The following ULK4 variants were observed in gnomAD, a reference collection of about 807,000 sequenced individuals.
ULK4 encodes inactive serine/threonine-protein kinase ULK4.
ULK4 carries 133 observed loss-of-function variants against 160.6 expected under a neutral mutation model. The observed-to-expected ratio is 0.83, with a 90% CI of 0.72 to 0.96. ULK4 has a LOEUF of 0.96. Among genes scored for constraint, ULK4 ranks in the 40% least tolerant of loss-of-function variants. ULK4 has a pLI of 0.00. For missense variants in ULK4, 1,580 were observed against 1,499.5 expected (o/e 1.05, Z -0.89); for synonymous variants, 534 against 539.8 (o/e 0.99, Z 0.15).
At position 41,912,912 on chromosome 3, in the gene ULK4, T is replaced by G. The variant is rs775741900; in HGVS notation, c.804-13A>C. ...TGTCCAAGTCAATCTTTAAAAAACA[T>G]AAATGTTAAAACTCTACTTTAACAT... On this transcript the variant is annotated splice_polypyrimidine_tract_variant and intron_variant, in intron 8 of 36. Transcript: ENST00000301831. 15 of 1,612,862 alleles carry G rather than the reference T, an allele frequency of 9.3e-6. No individual in the cohort carries two copies. The highest frequency in any genetic ancestry group is 3.3e-5 in the Admixed American group (2 of 59,932).
chr3:41,304,139 G>A (rs1007438620), intron 35 of ULK4, among the ~76,000 whole-genome samples: 2 of 152,030 alleles, frequency 1.3e-5, no homozygotes, highest in South Asian at 4.1e-4. Context: ...CAGACGTGGT[G>A]GTGGGCACCT....
intron 25 of ULK4, among the ~76,000 whole-genome samples, chr3:41,712,131 A>C (rs2037117375): frequency 6.6e-6 from 1 of 152,250 alleles, no homozygotes; most frequent in African/African-American, 2.4e-5. Context: ...AAAATTTACA[A>C]AAAATTAATT....
At chr3:41,537,119 T>C (rs1575377417) in intron 32 of ULK4, among the ~76,000 whole-genome samples, 1 of 152,182 alleles carries the variant, frequency 6.6e-6, no homozygotes, top group Non-Finnish European at 1.5e-5. Flanking sequence ...CTTCTTTAAA[T>C]TCCTCTGGTG....
Position 41,646,021 on chromosome 3 carries a change from CTTT to C in ULK4, c.3071+17583_3071+17585del, listed in dbSNP as rs561273288. On this transcript the variant is annotated intron_variant, in intron 30 of 36. Coordinates refer to ENST00000301831, the MANE Select transcript of ULK4 (RefSeq NM_017886.4). ...CAGAGACTAGGATTGCAACCCCTGC[CTTT>C]TTTTGTTTTCCATTTGCCTGGTAGA... Among the ~76,000 whole-genome samples the C allele has an allele frequency of 5.1e-3, 779 of 152,104 alleles. 3 individuals are homozygous for C. Among genetic ancestry groups the C allele is most frequent in the African/African-American group, 0.018 (749 of 41,490 alleles).
At chr3:41,782,838 A>T (rs1481764703) in intron 21 of ULK4, among the ~76,000 whole-genome samples, 1 of 152,198 alleles carries the variant, frequency 6.6e-6, no homozygotes, top group Non-Finnish European at 1.5e-5. Flanking sequence ...AAATCAATGG[A>T]AATTATTAAA....
At chr3:41,898,155 C>A (rs1027358124) in intron 14 of ULK4, among the ~76,000 whole-genome samples, 24 of 152,088 alleles carry the variant, frequency 1.6e-4, no homozygotes, top group Admixed American at 3.3e-4. Flanking sequence ...GAGGAGAAGA[C>A]CTCCCACCCA....
At chr3:41,615,621 CAATTTCAAAATTTCATTTG>C (rs1265360711) in intron 31 of ULK4, 29 bp downstream of exon 31, 1 of 1,585,018 alleles carries the variant, frequency 6.3e-7, no homozygotes, top group Non-Finnish European at 8.6e-7. Flanking sequence ...AAAATCTTTA[CAATTTCAAAATTTCATTTG>C]AATTTCAAAT....
chr3:41,485,525 G>A (rs1164189097), intron 32 of ULK4, among the ~76,000 whole-genome samples: 1 of 152,186 alleles, frequency 6.6e-6, no homozygotes, highest in Non-Finnish European at 1.5e-5. Context: ...TTTTGCAGAA[G>A]TTATTTGAGC....
chr3:41,786,334 G>A (rs886665172), intron 21 of ULK4, among the ~76,000 whole-genome samples: 1 of 152,118 alleles, frequency 6.6e-6, no homozygotes, highest in African/African-American at 2.4e-5. Context: ...AGGAATGGTG[G>A]CTCACACCTG....
intron 17 of ULK4, among the ~76,000 whole-genome samples, chr3:41,853,791 T>TA (rs2042271265): frequency 6.6e-6 from 1 of 152,128 alleles, no homozygotes; most frequent in South Asian, 2.1e-4. Context: ...AGAGGCTGTG[T>TA]AGTGAGTGCC....
chr3:41,603,074 T>C (rs1319052331), intron 31 of ULK4, among the ~76,000 whole-genome samples: 1 of 152,042 alleles, frequency 6.6e-6, no homozygotes, highest in African/African-American at 2.4e-5. Flanking sequence ...CCCAACTACA[T>C]GTTGTATACA....
At chr3:41,655,196 C>T (rs2034886494) in intron 30 of ULK4, among the ~76,000 whole-genome samples, 1 of 151,558 alleles carries the variant, frequency 6.6e-6, no homozygotes, top group South Asian at 2.1e-4. Flanking sequence ...TGCTACGCAG[C>T]CATAACAAGG....
At chr3:41,933,310 T>G (rs1559659602) in intron 4 of ULK4, among the ~76,000 whole-genome samples, 1 of 152,172 alleles carries the variant, frequency 6.6e-6, no homozygotes, top group South Asian at 2.1e-4. Flanking sequence ...ATCAGCAAAC[T>G]TTTTTGTTGT....
intron 35 of ULK4, among the ~76,000 whole-genome samples, chr3:41,337,430 G>C (rs546207710): frequency 1.6e-4 from 25 of 152,186 alleles, no homozygotes; most frequent in Non-Finnish European, 3.1e-4. Context: ...GTTCTGAGGG[G>C]TGAGGATGAA....
At chr3:41,774,964 T>C (rs557659761) in intron 21 of ULK4, among the ~76,000 whole-genome samples, 8 of 149,340 alleles carry the variant, frequency 5.4e-5, no homozygotes, top group East Asian at 3.9e-4. Flanking sequence ...CAGTAAACTA[T>C]TGCAAGGACA....
At chr3:41,702,143 G>A (rs2036696626) in intron 27 of ULK4, among the ~76,000 whole-genome samples, 1 of 152,006 alleles carries the variant, frequency 6.6e-6, no homozygotes, top group Admixed American at 6.6e-5. Context: ...TTTTAATTAT[G>A]TATGTATGTA....
chr3:41,377,328 C>G (rs1169434822), intron 35 of ULK4, among the ~76,000 whole-genome samples: 1 of 151,872 alleles, frequency 6.6e-6, no homozygotes, highest in Non-Finnish European at 1.5e-5. Flanking sequence ...GACTTCATGT[C>G]TAAAACACCA....
At chr3:41,706,849 ATGTGTGTGTGTG>A (rs749756575) in intron 25 of ULK4, among the ~76,000 whole-genome samples, 105 of 102,380 alleles carry the variant, frequency 1.0e-3, no homozygotes, top group South Asian at 2.3e-3. Flanking sequence ...AAAAAAAAAT[ATGTGTGTGTGTG>A]TGTGTGTGTG....
intron 27 of ULK4, among the ~76,000 whole-genome samples, chr3:41,704,078 G>T (rs1484258568): frequency 6.6e-6 from 1 of 152,122 alleles, no homozygotes; most frequent in African/African-American, 2.4e-5. Context: ...CACAACTCAT[G>T]ATTGACTGCT....
Sources: allele counts gnomAD v4.1 joint callset (sites outside exome capture counted in the v4.1 genomes callset), GRCh38; gene constraint gnomAD v4.1.1; transcripts MANE v1.5; gene names NCBI Gene and HGNC (gene_info 2026-07-23, HGNC 2026-07-21).